RBFOX1: variants seen among roughly 807,000 people sequenced by gnomAD.
RBFOX1 encodes RNA binding fox-1 homolog 1.
RBFOX1 carries 8 observed loss-of-function variants against 57.7 expected under a neutral mutation model. That is an observed-to-expected ratio of 0.14 (90% CI 0.08 to 0.25). The LOEUF is 0.25. Among genes scored for constraint, RBFOX1 ranks in the 10% least tolerant of loss-of-function variants. The pLI is 1.00. For missense variants in RBFOX1, 611 were observed against 548.5 expected (o/e 1.11, Z -1.14); for synonymous variants, 326 against 222.4 (o/e 1.47, Z -4.15).
At chr16:5,674,688 A>G (rs1304551247) in intron 3 of RBFOX1, among the ~76,000 whole-genome samples, 1 of 152,210 alleles carries the variant, frequency 6.6e-6, no homozygotes, top group Non-Finnish European at 1.5e-5. Flanking sequence ...TACGTGGCGA[A>G]TGCATGGACG....
rs574172582 is a variant in RBFOX1 at position 7,563,494 on chromosome 16, G to A, written c.271-16283G>A. 1.2e-4 allele frequency among the ~76,000 whole-genome samples: 18 copies of A among 152,196 alleles called. No individual in the cohort carries two copies. In the South Asian group the frequency reaches 3.5e-3, roughly 30 times the overall value. On this transcript the variant is annotated intron_variant, in intron 5 of 15. Transcript: ENST00000550418. ...TTTTTCTTTTCTTGCTTCAAACAAA[G>A]TCTTACACTGTTGCCCAGGCTGGAG...
intron 4 of RBFOX1, among the ~76,000 whole-genome samples, chr16:7,317,161 C>T (rs570712751): frequency 1.3e-5 from 2 of 152,084 alleles, no homozygotes; most frequent in South Asian, 2.1e-4. Flanking sequence ...AGCTGATGGT[C>T]GCTTGGACTA....
intron 1 of RBFOX1, among the ~76,000 whole-genome samples, chr16:5,320,712 G>C (rs1034842558): frequency 1.3e-5 from 2 of 152,214 alleles, no homozygotes; most frequent in Admixed American, 6.5e-5. Flanking sequence ...TGATTTTCAG[G>C]AGGTGGCTTG....
chr16:6,878,461 C>G (rs1338376216), intron 3 of RBFOX1, among the ~76,000 whole-genome samples: 3 of 152,172 alleles, frequency 2.0e-5, no homozygotes, highest in South Asian at 2.1e-4. Flanking sequence ...ACCACCCTGT[C>G]TCTTACCACC....
chr16:7,292,888 C>T (rs2095820436), intron 4 of RBFOX1, among the ~76,000 whole-genome samples: 1 of 151,986 alleles, frequency 6.6e-6, no homozygotes, highest in Non-Finnish European at 1.5e-5. Flanking sequence ...GAGATGATCC[C>T]CTCAAAGACA....
intron 4 of RBFOX1, among the ~76,000 whole-genome samples, chr16:7,340,777 G>C (rs2096876383): frequency 1.3e-5 from 2 of 152,144 alleles, no homozygotes. Context: ...GTCCTATTCT[G>C]TTTTATATAA....
chr16:7,383,333 T>G (rs960674337), intron 4 of RBFOX1, among the ~76,000 whole-genome samples: 1 of 151,154 alleles, frequency 6.6e-6, no homozygotes, highest in African/African-American at 2.4e-5. Flanking sequence ...CTTCTCTGCT[T>G]GGACAAAATT....
At chr16:6,991,467 G>C (rs372033828) in intron 3 of RBFOX1, among the ~76,000 whole-genome samples, 9 of 152,238 alleles carry the variant, frequency 5.9e-5, no homozygotes, top group African/African-American at 2.2e-4. Context: ...CAAATACGTA[G>C]ATAAGTCCTT....
At position 6,119,903 on chromosome 16, in the gene RBFOX1, A is replaced by G. The variant is rs146574841; in HGVS notation, c.-127+99911A>G. 4.3e-3 allele frequency among the ~76,000 whole-genome samples: 661 copies of G among 152,296 alleles called. 3 individuals carry two copies. Among genetic ancestry groups the G allele is most frequent in the Non-Finnish European group, 6.9e-3 (466 of 68,022 alleles). Reference sequence around the variant, plus strand: ...TTCTAAGACATTTTTATCACCCTAGAAGGAGACCCTGTATCCAGTAAGCAG... The same window carrying G: ...TTCTAAGACATTTTTATCACCCTAGGAGGAGACCCTGTATCCAGTAAGCAG... On this transcript the variant is annotated intron_variant, in intron 1 of 15. Transcript: ENST00000550418.
intron 1 of RBFOX1, among the ~76,000 whole-genome samples, chr16:6,058,454 A>G (rs2095641732): frequency 6.6e-6 from 1 of 152,160 alleles, no homozygotes; most frequent in Non-Finnish European, 1.5e-5. Context: ...GCTGGTTTAG[A>G]TCTTTAAAGA....
intron 4 of RBFOX1, among the ~76,000 whole-genome samples, chr16:7,202,298 TAA>T (rs35437762): frequency 0.012 from 1,528 of 131,674 alleles, 29 homozygotes; most frequent in African/African-American, 0.037. Flanking sequence ...TGGCTGCAAA[TAA>T]AAAAAAAAAA....
chr16:7,014,756 G>A (rs1285763950), intron 3 of RBFOX1, among the ~76,000 whole-genome samples: 6 of 151,974 alleles, frequency 3.9e-5, no homozygotes, highest in Admixed American at 6.6e-5. Flanking sequence ...ATGGAGTCTC[G>A]CTCTGTCACC....
chr16:5,665,806 A>G (rs2049824792), intron 3 of RBFOX1, among the ~76,000 whole-genome samples: 2 of 152,176 alleles, frequency 1.3e-5, no homozygotes, highest in African/African-American at 4.8e-5. Flanking sequence ...TCCCGGGTTT[A>G]TACCCACGTG....
At position 6,867,476 on chromosome 16, in the gene RBFOX1, T is replaced by C. The variant is rs148877039; in HGVS notation, c.-15-184581T>C. Among the ~76,000 whole-genome samples the C allele has an allele frequency of 6.2e-3, 938 of 151,962 alleles. 14 individuals carry two copies. The highest frequency in any genetic ancestry group is 0.021 in the African/African-American group (889 of 41,440). On this transcript the variant is annotated intron_variant, in intron 3 of 15. Transcript: ENST00000550418. ...GCTCACTCATGTAATTCCAGCACTT[T>C]GGGGGGCCGAGACAGGCGGATCACT...
intron 3 of RBFOX1, among the ~76,000 whole-genome samples, chr16:6,935,790 C>T (rs2077267107): frequency 6.6e-6 from 1 of 152,148 alleles, no homozygotes; most frequent in Non-Finnish European, 1.5e-5. Context: ...GACTGTCAAG[C>T]ACAGAGCATG....
chr16:6,973,800 G>T (rs1002250536), intron 3 of RBFOX1, among the ~76,000 whole-genome samples: 2 of 152,068 alleles, frequency 1.3e-5, no homozygotes, highest in African/African-American at 4.8e-5. Context: ...TTAAGTTCCA[G>T]GGTACATGTG....
At chr16:5,721,852 C>T (rs1276954933) in intron 3 of RBFOX1, among the ~76,000 whole-genome samples, 4 of 152,200 alleles carry the variant, frequency 2.6e-5, no homozygotes, top group Admixed American at 6.5e-5. Flanking sequence ...AGTGCTAAAC[C>T]GGTCCCAGAC....
intron 1 of RBFOX1, among the ~76,000 whole-genome samples, chr16:5,429,974 TGAA>T (rs2067679495): frequency 6.6e-6 from 1 of 152,172 alleles, no homozygotes; most frequent in Non-Finnish European, 1.5e-5. Context: ...TGCTTATCAC[TGAA>T]GGAGGCAGAG....
At chr16:6,137,723 G>T (rs12918606) in intron 1 of RBFOX1, among the ~76,000 whole-genome samples, 12,462 of 145,778 alleles carry the variant, frequency 0.085, 553 homozygotes, top group Middle Eastern at 0.11. Context: ...AAGTAATCCT[G>T]CCACCTCAGC....
Sources: allele counts gnomAD v4.1 joint callset (sites outside exome capture counted in the v4.1 genomes callset), GRCh38; gene constraint gnomAD v4.1.1; transcripts MANE v1.5; gene names NCBI Gene and HGNC (gene_info 2026-07-23, HGNC 2026-07-21).